The following ZNF423 variants were observed in gnomAD, a reference collection of about 807,000 sequenced individuals.
ZNF423 encodes Ebf-associated zinc finger protein.
A neutral mutation model predicts 95.8 loss-of-function variants in ZNF423; 12 were observed. That is an observed-to-expected ratio of 0.13 (90% CI 0.08 to 0.20). The LOEUF (loss-of-function observed/expected upper bound fraction) is 0.20. Among genes scored for constraint, ZNF423 ranks in the 10% least tolerant of loss-of-function variants. The pLI is 1.00. For synonymous variants in ZNF423, 749 were observed against 711.9 expected (o/e 1.05, Z -0.83); for missense variants, 1,316 against 1,737.1 (o/e 0.76, Z 4.31).
chr16:49,826,037 C>G (rs147171771), intron 1 of ZNF423, among the ~76,000 whole-genome samples: 1 of 152,192 alleles, frequency 6.6e-6, no homozygotes, highest in African/African-American at 2.4e-5. Flanking sequence ...ATAGTGAAAC[C>G]TCCATCTGTA....
At chr16:49,626,740 C>T (rs1432890732) in intron 4 of ZNF423, among the ~76,000 whole-genome samples, 2 of 150,924 alleles carry the variant, frequency 1.3e-5, no homozygotes, top group Non-Finnish European at 3.0e-5. Flanking sequence ...CCCATCCATC[C>T]ACCTACATAC....
intron 1 of ZNF423, among the ~76,000 whole-genome samples, chr16:49,808,060 C>CT (rs58617394): frequency 9.6e-4 from 143 of 148,438 alleles, no homozygotes; most frequent in Non-Finnish European, 1.4e-3. Context: ...ATTTTTCTTT[C>CT]TTTTTTTTTT....
chr16:49,566,292 A>T (rs192415527), intron 5 of ZNF423, among the ~76,000 whole-genome samples: 2 of 152,294 alleles, frequency 1.3e-5, no homozygotes, highest in Non-Finnish European at 2.9e-5. Flanking sequence ...GCTCCTCCCA[A>T]CCTGGCTCAC....
At chr16:49,715,476 T>C (rs890731609) in intron 3 of ZNF423, among the ~76,000 whole-genome samples, 1 of 152,222 alleles carries the variant, frequency 6.6e-6, no homozygotes, top group Non-Finnish European at 1.5e-5. Context: ...GCACGGCAGC[T>C]GGCACAAGTA....
chr16:49,527,952 T>A (rs544576070), intron 5 of ZNF423, among the ~76,000 whole-genome samples: 4 of 152,112 alleles, frequency 2.6e-5, no homozygotes, highest in Admixed American at 2.0e-4. Context: ...ACACGACTAC[T>A]CCCTCACTAG....
At chr16:49,689,121 G>A (rs1443400564) in intron 3 of ZNF423, among the ~76,000 whole-genome samples, 1 of 152,120 alleles carries the variant, frequency 6.6e-6, no homozygotes, top group Non-Finnish European at 1.5e-5. Context: ...TTTACCCGGG[G>A]CATGGGTCTA....
intron 3 of ZNF423, among the ~76,000 whole-genome samples, chr16:49,644,403 C>T (rs1973092538): frequency 6.6e-6 from 1 of 151,486 alleles, no homozygotes; most frequent in African/African-American, 2.4e-5. Context: ...GCCTGTAATC[C>T]CTGAACATTG....
chr16:49,551,768 G>A (rs1969647351), intron 5 of ZNF423, among the ~76,000 whole-genome samples: 1 of 152,194 alleles, frequency 6.6e-6, no homozygotes, highest in African/African-American at 2.4e-5. Flanking sequence ...CAAGGAGCTG[G>A]AAGGGACACC....
chr16:49,633,128 A>G (rs77346802), intron 4 of ZNF423, among the ~76,000 whole-genome samples: 3,995 of 152,288 alleles, frequency 0.026, 95 homozygotes, highest in Non-Finnish European at 0.045. Flanking sequence ...CCTGGGTTCA[A>G]GTCTCCTCTC....
intron 2 of ZNF423, among the ~76,000 whole-genome samples, chr16:49,777,480 T>G (rs951488643): frequency 1.3e-5 from 2 of 152,206 alleles, no homozygotes; most frequent in Non-Finnish European, 2.9e-5. Context: ...ACTTGTGAAT[T>G]TACACATCAC....
At chr16:49,596,822 T>A (rs1253032126) in intron 5 of ZNF423, among the ~76,000 whole-genome samples, 1 of 152,172 alleles carries the variant, frequency 6.6e-6, no homozygotes, top group Admixed American at 6.5e-5. Context: ...CACAGGGCTG[T>A]GTGCTTCCCC....
chr16:49,663,139 G>A (rs533589295), intron 3 of ZNF423, among the ~76,000 whole-genome samples: 124 of 152,236 alleles, frequency 8.1e-4, no homozygotes, highest in Non-Finnish European at 8.1e-4. Flanking sequence ...CCACCCCATC[G>A]CGCCATTCTC....
chr16:49,591,917 A>G (rs1304879358), intron 5 of ZNF423, among the ~76,000 whole-genome samples: 17 of 152,212 alleles, frequency 1.1e-4, no homozygotes, highest in Non-Finnish European at 2.2e-4. Context: ...AGGAAGGTGC[A>G]GGAGGTGAAC....
chr16:49,771,647 G>T (rs955469658), intron 2 of ZNF423, among the ~76,000 whole-genome samples: 1 of 152,142 alleles, frequency 6.6e-6, no homozygotes, highest in African/African-American at 2.4e-5. Flanking sequence ...TTTATAAGGG[G>T]TGTGTCCCCC....
intron 2 of ZNF423, among the ~76,000 whole-genome samples, chr16:49,760,368 A>G (rs1030072347): frequency 6.6e-6 from 1 of 151,958 alleles, no homozygotes; most frequent in African/African-American, 2.4e-5. Context: ...GGATGGATGA[A>G]CTAATGAATA....
intron 3 of ZNF423, among the ~76,000 whole-genome samples, chr16:49,640,370 A>C (rs565605401): frequency 6.6e-6 from 1 of 152,216 alleles, no homozygotes; most frequent in East Asian, 1.9e-4. Flanking sequence ...TATCACTCAC[A>C]AACTTAAATA....
intron 1 of ZNF423, among the ~76,000 whole-genome samples, chr16:49,842,415 AGGCAGGCAGGC>A (rs2035200177): frequency 1.8e-4 from 17 of 93,446 alleles, no homozygotes; most frequent in Admixed American, 7.3e-4. Flanking sequence ...GAAGGAAGGC[AGGCAGGCAGGC>A]AGGCAGGCAG....
At chr16:49,563,522 A>G (rs1282650131) in intron 5 of ZNF423, among the ~76,000 whole-genome samples, 1 of 152,204 alleles carries the variant, frequency 6.6e-6, no homozygotes, top group Non-Finnish European at 1.5e-5. Context: ...TAATCTTCAC[A>G]ACAACTCTCT....
At chr16:49,775,088 C>T (rs1370356559) in intron 2 of ZNF423, among the ~76,000 whole-genome samples, 1 of 152,198 alleles carries the variant, frequency 6.6e-6, no homozygotes, top group African/African-American at 2.4e-5. Flanking sequence ...CCAGGCTGTA[C>T]TGCATGGAAC....
Sources: gnomAD v4.1 joint callset for allele counts (sites outside exome capture counted in the v4.1 genomes callset) on GRCh38, gnomAD v4.1.1 for gene constraint, MANE v1.5 for transcripts, NCBI Gene and HGNC (gene_info 2026-07-23, HGNC 2026-07-21) for gene names.